TSHZ2: variants seen among roughly 807,000 people sequenced by gnomAD.
TSHZ2 encodes teashirt zinc finger homeobox 2.
Under a neutral mutation model 74.4 loss-of-function variants are expected in TSHZ2, and 21 were observed. The ratio of observed to expected loss-of-function variants is 0.28; its 90% CI spans 0.20 to 0.41. The LOEUF (loss-of-function observed/expected upper bound fraction) is 0.41, where lower values mean the gene tolerates loss of function less well. Among genes scored for constraint, TSHZ2 ranks in the 10% least tolerant of loss-of-function variants. The pLI is 1.00. For synonymous variants in TSHZ2, 540 were observed against 515.3 expected (o/e 1.05, Z -0.65); for missense variants, 1,244 against 1,293.5 (o/e 0.96, Z 0.59).
intron 1 of TSHZ2, among the ~76,000 whole-genome samples, chr20:53,160,318 C>CAGGA (rs1174362984): frequency 2.6e-5 from 4 of 152,258 alleles, no homozygotes; most frequent in African/African-American, 9.6e-5. Flanking sequence ...TTCATGGGTT[C>CAGGA]AGGAGTCCAC....
intron 2 of TSHZ2, among the ~76,000 whole-genome samples, chr20:53,376,592 T>G (rs1374407336): frequency 6.6e-6 from 1 of 152,244 alleles, no homozygotes. Context: ...CTTATGCAGT[T>G]GCTTGGGCTA....
chr20:53,128,910 A>G (rs1455765186), intron 1 of TSHZ2, among the ~76,000 whole-genome samples: 2 of 152,080 alleles, frequency 1.3e-5, no homozygotes, highest in South Asian at 2.1e-4. Context: ...ATAAGCCACC[A>G]TGCCTGGCTG....
chr20:53,259,999 C>T (rs1990568668), intron 2 of TSHZ2, among the ~76,000 whole-genome samples: 1 of 152,098 alleles, frequency 6.6e-6, no homozygotes, highest in Admixed American at 6.5e-5. Context: ...TCCTTCCTTT[C>T]ATCCTCTTTT....
At chr20:53,479,951 G>T (rs752802902) in intron 2 of TSHZ2, among the ~76,000 whole-genome samples, 1 of 152,140 alleles carries the variant, frequency 6.6e-6, no homozygotes, top group Non-Finnish European at 1.5e-5. Flanking sequence ...TTCAAAAATG[G>T]TACAGACTGA....
chr20:53,293,474 CA>C (rs1991317960), intron 2 of TSHZ2, among the ~76,000 whole-genome samples: 1 of 151,966 alleles, frequency 6.6e-6, no homozygotes, highest in African/African-American at 2.4e-5. Flanking sequence ...ACCTCAAAAA[CA>C]AAAACAATTA....
intron 1 of TSHZ2, among the ~76,000 whole-genome samples, chr20:53,072,974 C>T (rs919698885): frequency 6.6e-6 from 1 of 151,124 alleles, no homozygotes; most frequent in African/African-American, 2.4e-5. Flanking sequence ...TCTATCCCTC[C>T]ATCCATCCCT....
chr20:53,485,500 G>A (rs775240107), intron 2 of TSHZ2, among the ~76,000 whole-genome samples: 7 of 152,154 alleles, frequency 4.6e-5, no homozygotes, highest in Non-Finnish European at 8.8e-5. Flanking sequence ...CTTGAGGTCA[G>A]GAGTTCAAGA....
chr20:53,185,440 C>T (rs1023107594), intron 1 of TSHZ2: 21 of 1,317,538 alleles, frequency 1.6e-5, no homozygotes, highest in Admixed American at 9.4e-5. Context: ...TTTGGGAGGC[C>T]GAGGCAGGCA....
intron 1 of TSHZ2, among the ~76,000 whole-genome samples, chr20:53,219,645 T>G (rs1035623380): frequency 6.6e-6 from 1 of 152,164 alleles, no homozygotes; most frequent in Non-Finnish European, 1.5e-5. Context: ...AGACAGGTAA[T>G]TTGTGTGGGC....
chr20:53,161,179 T>C (rs1987930451), intron 1 of TSHZ2, among the ~76,000 whole-genome samples: 1 of 136,152 alleles, frequency 7.3e-6, no homozygotes, highest in African/African-American at 2.8e-5. Flanking sequence ...GGCTATCTGA[T>C]GGAGTGGTAT....
At chr20:52,997,451 T>C (rs557850480) in intron 1 of TSHZ2, among the ~76,000 whole-genome samples, 16 of 152,288 alleles carry the variant, frequency 1.1e-4, no homozygotes, top group African/African-American at 3.8e-4. Flanking sequence ...AATGATTGAA[T>C]ATGAGACGAA....
chr20:53,102,600 A>G (rs1015378986), intron 1 of TSHZ2, among the ~76,000 whole-genome samples: 1 of 152,330 alleles, frequency 6.6e-6, no homozygotes, highest in Admixed American at 6.5e-5. Context: ...GCAAAACTCA[A>G]ACGGTGTCCA....
intron 2 of TSHZ2, among the ~76,000 whole-genome samples, chr20:53,310,690 T>TCCTAGAGG (rs778250188): frequency 2.9e-4 from 44 of 152,108 alleles, no homozygotes; most frequent in Non-Finnish European, 5.9e-4. Flanking sequence ...TACCTTCAAC[T>TCCTAGAGG]CCTAGAGGCC....
chr20:53,157,595 G>A (rs1987828228), intron 1 of TSHZ2, among the ~76,000 whole-genome samples: 1 of 151,940 alleles, frequency 6.6e-6, no homozygotes, highest in Non-Finnish European at 1.5e-5. Context: ...TTTAAAGAAA[G>A]TATTCTCATC....
At chr20:53,343,608 T>C (rs1276037337) in intron 2 of TSHZ2, among the ~76,000 whole-genome samples, 2 of 152,214 alleles carry the variant, frequency 1.3e-5, no homozygotes, top group Non-Finnish European at 1.5e-5. Flanking sequence ...AGTGCTACCA[T>C]GAGCTTTATG....
intron 2 of TSHZ2, among the ~76,000 whole-genome samples, chr20:53,463,423 G>GAAGT: frequency 8.2e-6 from 1 of 121,904 alleles, no homozygotes. Context: ...AGGAAGGAAG[G>GAAGT]AAGGAAGGAA....
At position 53,071,291 on chromosome 20, in the gene TSHZ2, A is replaced by C. The variant is rs118061478; in HGVS notation, c.40+97958A>C. 2.8e-4 allele frequency among the ~76,000 whole-genome samples: 43 copies of C among 152,276 alleles called. 3 individuals are homozygous for C. The East Asian group carries it at 8.3e-3, about 29-fold the overall frequency. On this transcript the variant is annotated intron_variant, in intron 1 of 2. Transcript: ENST00000371497. Reference sequence around the variant, plus strand: ...GGAGCATTGTCCTGCTTTGTTTCAAATGTCTTAGAAACTAGGGCTTAATGT... The same window carrying C: ...GGAGCATTGTCCTGCTTTGTTTCAACTGTCTTAGAAACTAGGGCTTAATGT...
At chr20:53,048,562 A>G (rs1984313796) in intron 1 of TSHZ2, among the ~76,000 whole-genome samples, 1 of 152,016 alleles carries the variant, frequency 6.6e-6, no homozygotes, top group African/African-American at 2.4e-5. Context: ...TCTCCCTTCA[A>G]CACCTACCAC....
chr20:53,238,704 C>G (rs1228752904), intron 1 of TSHZ2, among the ~76,000 whole-genome samples: 1 of 151,826 alleles, frequency 6.6e-6, no homozygotes, highest in Non-Finnish European at 1.5e-5. Context: ...CACTGGGGTA[C>G]CATGAAATTA....
Sources: allele counts gnomAD v4.1 joint callset (sites outside exome capture counted in the v4.1 genomes callset), GRCh38; gene constraint gnomAD v4.1.1; transcripts MANE v1.5; gene names NCBI Gene and HGNC (gene_info 2026-07-23, HGNC 2026-07-21).